The following WDR70 variants were observed in gnomAD, a reference collection of about 807,000 sequenced individuals.
The protein encoded by WDR70 is WD repeat-containing protein 70.
Under a neutral mutation model 88.6 loss-of-function variants are expected in WDR70, and 53 were observed. That is an observed-to-expected ratio of 0.60 (90% CI 0.48 to 0.75). WDR70 has a LOEUF of 0.75. WDR70 is among the 30% of genes least tolerant of loss of function. WDR70 has a pLI of 0.00. For synonymous variants in WDR70, 280 were observed against 270.0 expected, an observed-to-expected ratio of 1.04 and a Z score of -0.36; for missense variants, 610 against 823.2, an observed-to-expected ratio of 0.74 and a Z score of 3.17.
chr5:37,717,041 T>G (rs1246761020), intron 13 of WDR70, among the ~76,000 whole-genome samples: 1 of 152,138 alleles, frequency 6.6e-6, no homozygotes, highest in Non-Finnish European at 1.5e-5. Context: ...ATGCTTATGG[T>G]CTCCTATTCC....
intron 10 of WDR70, among the ~76,000 whole-genome samples, chr5:37,695,542 C>G (rs1746955296): frequency 1.3e-5 from 2 of 152,158 alleles, no homozygotes; most frequent in South Asian, 2.1e-4. Context: ...GCTCAGGGTC[C>G]TCTTTCAAGC....
At chr5:37,469,429 A>G (rs938050727) in intron 7 of WDR70, among the ~76,000 whole-genome samples, 1 of 152,246 alleles carries the variant, frequency 6.6e-6, no homozygotes, top group Admixed American at 6.5e-5. Flanking sequence ...CTTTGAATAT[A>G]CAACACTTTA....
chr5:37,731,502 A>G (rs1458408744), intron 17 of WDR70, among the ~76,000 whole-genome samples: 1 of 152,168 alleles, frequency 6.6e-6, no homozygotes, highest in Non-Finnish European at 1.5e-5. Flanking sequence ...AAACTAATCC[A>G]TGTCAACACA....
chr5:37,606,217 A>T (rs755777079), intron 10 of WDR70, among the ~76,000 whole-genome samples: 1 of 152,174 alleles, frequency 6.6e-6, no homozygotes, highest in South Asian at 2.1e-4. Context: ...AAAAGTGTTG[A>T]TAGACGGGAA....
intron 11 of WDR70, among the ~76,000 whole-genome samples, chr5:37,698,993 T>C: frequency 6.6e-6 from 1 of 152,128 alleles, no homozygotes; most frequent in East Asian, 1.9e-4. Flanking sequence ...CAATTAAAAT[T>C]CTATATATTC....
At chr5:37,484,226 C>T (rs1449720572) in intron 8 of WDR70, among the ~76,000 whole-genome samples, 1 of 152,204 alleles carries the variant, frequency 6.6e-6, no homozygotes, top group Admixed American at 6.5e-5. Flanking sequence ...GCGGTTGTAG[C>T]TAGCCGAGAT....
chr5:37,427,887 A>G (rs1750183479), intron 5 of WDR70, among the ~76,000 whole-genome samples: 2 of 151,946 alleles, frequency 1.3e-5, no homozygotes, highest in African/African-American at 4.8e-5. Flanking sequence ...AAAAAGATAC[A>G]TTTCCGAGCT....
intron 5 of WDR70, among the ~76,000 whole-genome samples, chr5:37,433,720 A>G (rs948828202): frequency 4.6e-5 from 7 of 152,270 alleles, no homozygotes; most frequent in Admixed American, 6.5e-5. Flanking sequence ...CTATTTTTTG[A>G]AAGATACCAG....
At chr5:37,698,551 A>G (rs1747050821) in intron 11 of WDR70, among the ~76,000 whole-genome samples, 1 of 152,178 alleles carries the variant, frequency 6.6e-6, no homozygotes. Context: ...TAGGCAGGTG[A>G]ATCTAACAGT....
intron 17 of WDR70, among the ~76,000 whole-genome samples, chr5:37,751,220 A>G (rs1748798620): frequency 6.6e-6 from 1 of 152,232 alleles, no homozygotes; most frequent in Non-Finnish European, 1.5e-5. Context: ...TTGTTGTAGC[A>G]TGTTAGAAAG....
rs532356265 is a variant in WDR70, at chr5:37,383,348, C to T, written c.175+1663C>T. 6.6e-5 allele frequency among the ~76,000 whole-genome samples: 10 copies of T among 152,074 alleles called. 1 individual carries two copies. The highest frequency in any genetic ancestry group is 2.2e-4 in the African/African-American group (9 of 41,428). On this transcript the variant is annotated intron_variant, in intron 3 of 17. Coordinates refer to ENST00000265107, the MANE Select transcript of WDR70 (RefSeq NM_018034.4). Reference sequence around the variant, plus strand: ...GATCTCAGCTCACTGTGACCTCCGCCTCTTGGGTTCAAGTGATTCTCTTGC... The same window carrying T: ...GATCTCAGCTCACTGTGACCTCCGCTTCTTGGGTTCAAGTGATTCTCTTGC...
intron 9 of WDR70, among the ~76,000 whole-genome samples, chr5:37,584,191 A>G (rs865783800): frequency 1.6e-4 from 25 of 152,232 alleles, no homozygotes; most frequent in Middle Eastern, 3.2e-3. Flanking sequence ...TGCTTTTAGA[A>G]TAGTGCATAC....
chr5:37,674,073 G>A (rs1015498440), intron 10 of WDR70, among the ~76,000 whole-genome samples: 11 of 151,966 alleles, frequency 7.2e-5, no homozygotes, highest in African/African-American at 2.7e-4. Context: ...GTGCTGGAAT[G>A]AGCATATGCA....
intron 9 of WDR70, among the ~76,000 whole-genome samples, chr5:37,598,053 C>T (rs1743753786): frequency 6.6e-6 from 1 of 152,006 alleles, no homozygotes; most frequent in African/African-American, 2.4e-5. Context: ...CCAGTTGTTC[C>T]AGCATGATTT....
intron 10 of WDR70, among the ~76,000 whole-genome samples, chr5:37,608,456 G>T (rs1744096671): frequency 6.6e-6 from 1 of 151,822 alleles, no homozygotes; most frequent in African/African-American, 2.4e-5. Flanking sequence ...TATTTAAATT[G>T]CAGCCTTCTC....
intron 5 of WDR70, among the ~76,000 whole-genome samples, chr5:37,409,013 G>A (rs1344180565): frequency 6.6e-6 from 1 of 151,498 alleles, no homozygotes; most frequent in African/African-American, 2.4e-5. Flanking sequence ...ATCTTGGCTC[G>A]CTGCAACCTC....
At chr5:37,506,254 G>T in intron 8 of WDR70, 2 of 929,612 alleles carry the variant, frequency 2.2e-6, no homozygotes, top group Non-Finnish European at 3.6e-6. Context: ...AATTCCTTTC[G>T]AGATATTGGT....
chr5:37,644,944 T>G (rs1745194860), intron 10 of WDR70, among the ~76,000 whole-genome samples: 1 of 151,992 alleles, frequency 6.6e-6, no homozygotes, highest in Non-Finnish European at 1.5e-5. Flanking sequence ...ACTTTTCATT[T>G]CATTGATCTT....
intron 17 of WDR70, among the ~76,000 whole-genome samples, chr5:37,740,414 CT>C (rs1748440249): frequency 6.6e-6 from 1 of 152,202 alleles, no homozygotes; most frequent in Non-Finnish European, 1.5e-5. Flanking sequence ...CACTATGCTC[CT>C]ACAAAACACT....
Sources: allele counts gnomAD v4.1 joint callset (sites outside exome capture counted in the v4.1 genomes callset), GRCh38; gene constraint gnomAD v4.1.1; transcripts MANE v1.5; gene names NCBI Gene and HGNC (gene_info 2026-07-23, HGNC 2026-07-21).